Variants in ADGRV1 observed in about 807,000 individuals in gnomAD.
ADGRV1 encodes the protein G-protein coupled receptor 98.
ADGRV1 carries 359 observed loss-of-function variants against 596.2 expected under a neutral mutation model. That is an observed-to-expected ratio of 0.60 (90% CI 0.55 to 0.66). ADGRV1 has a LOEUF of 0.66. ADGRV1 is among the 30% of genes least tolerant of loss of function. The pLI is 0.00. For synonymous variants in ADGRV1, 2,681 were observed against 2,679.2 expected (o/e 1.00, Z -0.02); for missense variants, 7,274 against 7,575.6 (o/e 0.96, Z 1.48).
At chr5:91,032,698 C>T (rs1784577724) in intron 85 of ADGRV1, among the ~76,000 whole-genome samples, 1 of 151,892 alleles carries the variant, frequency 6.6e-6, no homozygotes, top group Middle Eastern at 3.2e-3. Flanking sequence ...CAAAATCTCC[C>T]ATTATGGTTT....
intron 83 of ADGRV1, among the ~76,000 whole-genome samples, chr5:90,866,085 C>G (rs79833639): frequency 6.6e-6 from 1 of 152,114 alleles, no homozygotes; most frequent in East Asian, 1.9e-4. Context: ...GCAGACAAGT[C>G]TGCCAAGACC....
At chr5:91,121,306 A>G (rs1483387529) in intron 87 of ADGRV1, among the ~76,000 whole-genome samples, 1 of 152,160 alleles carries the variant, frequency 6.6e-6, no homozygotes, top group Non-Finnish European at 1.5e-5. Context: ...ACCATGGGAG[A>G]TGCTCATTGC....
At chr5:91,073,668 C>T (rs772324039) in intron 86 of ADGRV1, among the ~76,000 whole-genome samples, 77 of 152,148 alleles carry the variant, frequency 5.1e-4, no homozygotes, top group Non-Finnish European at 9.0e-4. Context: ...CTAATTCTTT[C>T]TCATTTAGCA....
intron 70 of ADGRV1, among the ~76,000 whole-genome samples, chr5:90,801,082 A>G (rs1222547798): frequency 6.6e-6 from 1 of 152,056 alleles, no homozygotes; most frequent in African/African-American, 2.4e-5. Context: ...TAATAAAAAT[A>G]AAGAACGAAT....
intron 21 of ADGRV1, among the ~76,000 whole-genome samples, chr5:90,671,672 A>G (rs1772483735): frequency 6.6e-6 from 1 of 152,230 alleles, no homozygotes; most frequent in Admixed American, 6.5e-5. Context: ...TGAAAAATAC[A>G]GATGGCATTT....
intron 86 of ADGRV1, chr5:91,092,556 T>C (rs1407685804): frequency 1.3e-5 from 2 of 152,250 alleles, no homozygotes; most frequent in South Asian, 2.1e-4. Flanking sequence ...GCCAAACAAA[T>C]ATGGGAGATT....
At chr5:90,824,028 A>G (rs974200587) in intron 76 of ADGRV1, among the ~76,000 whole-genome samples, 2 of 152,238 alleles carry the variant, frequency 1.3e-5, no homozygotes, top group Non-Finnish European at 2.9e-5. Context: ...TAACTCTTCT[A>G]CACATTAAAA....
At chr5:91,089,010 G>A (rs1582021925) in intron 86 of ADGRV1, among the ~76,000 whole-genome samples, 1 of 151,496 alleles carries the variant, frequency 6.6e-6, no homozygotes, top group Non-Finnish European at 1.5e-5. Flanking sequence ...TCTCTGTAAG[G>A]GCTTAGTCCA....
intron 83 of ADGRV1, among the ~76,000 whole-genome samples, chr5:90,935,873 G>A (rs939457564): frequency 6.6e-6 from 1 of 152,184 alleles, no homozygotes; most frequent in Non-Finnish European, 1.5e-5. Flanking sequence ...AGCTACCCAG[G>A]AGGCTAAGGC....
At chr5:91,093,851 G>T (rs13186674) in intron 86 of ADGRV1, among the ~76,000 whole-genome samples, 9 of 132,296 alleles carry the variant, frequency 6.8e-5, no homozygotes, top group African/African-American at 1.5e-4. Context: ...ACATACGTAA[G>T]TTTTTTTTTT....
chr5:90,619,937 T>A (rs1763844466), intron 4 of ADGRV1, among the ~76,000 whole-genome samples: 1 of 152,232 alleles, frequency 6.6e-6, no homozygotes, highest in Non-Finnish European at 1.5e-5. Flanking sequence ...GAACTCATCA[T>A]TTTTTATGGC....
At chr5:90,879,808 A>G (rs1184581617) in intron 83 of ADGRV1, among the ~76,000 whole-genome samples, 1 of 151,946 alleles carries the variant, frequency 6.6e-6, no homozygotes, top group Non-Finnish European at 1.5e-5. Flanking sequence ...TTAGCTGGGT[A>G]TGGTGGTGCA....
rs116114010 is a variant in ADGRV1 at position 91,083,820 on chromosome 5, C to A, written c.18310+11216C>A. 1.2e-3 allele frequency among the ~76,000 whole-genome samples: 189 copies of A among 152,272 alleles called. 1 individual carries two copies. The highest frequency in any genetic ancestry group is 4.3e-3 in the African/African-American group (180 of 41,554). On this transcript the variant is annotated intron_variant, in intron 86 of 89. Coordinates refer to ENST00000405460, the MANE Select transcript of ADGRV1 (RefSeq NM_032119.4). ...CAGTGGCATGCACATATAGTCCCAGCTACTCAGGTGGCTGAGGTGAGATGA... is the reference window on the plus strand; with the variant it reads ...CAGTGGCATGCACATATAGTCCCAGATACTCAGGTGGCTGAGGTGAGATGA...
intron 60 of ADGRV1, 100 bp downstream of exon 60, chr5:90,774,403 A>T (rs1439481903): frequency 1.5e-6 from 1 of 670,376 alleles, no homozygotes; most frequent in African/African-American, 1.8e-5. Flanking sequence ...GTTAGGTTTC[A>T]TAATTCCTAA....
chr5:90,726,152 T>C (rs78868611), intron 48 of ADGRV1, among the ~76,000 whole-genome samples: 2,541 of 152,272 alleles, frequency 0.017, 59 homozygotes, highest in African/African-American at 0.058. Flanking sequence ...CCAAAAGGGG[T>C]ATTATTCATT....
intron 59 of ADGRV1, among the ~76,000 whole-genome samples, chr5:90,767,758 C>T (rs182940991): frequency 2.6e-5 from 4 of 150,996 alleles, no homozygotes; most frequent in East Asian, 3.9e-4. Context: ...TTTTTCCCTT[C>T]GGTATTGCAA....
Position 90,724,855 on chromosome 5 carries a change from G to A in ADGRV1, c.9772G>A (p.Val3258Ile), listed in dbSNP as rs764987437. Reference sequence around the variant, plus strand: ...AGGGGGAATGGATGTTGTGTTTTCCGTATTTCAAAGTTTTTTGGATGAATC... The same window carrying A: ...AGGGGGAATGGATGTTGTGTTTTCCATATTTCAAAGTTTTTTGGATGAATC... ...GMRGMDVVFS[V>I]FQSFLDESAS... Residue 3258 changes from valine to isoleucine, a missense_variant, in exon 46 of 90, where the codon GTA becomes ATA. By Grantham distance (29) the Val-to-Ile change is conservative (BLOSUM62 3). Coordinates refer to ENST00000405460, the MANE Select transcript of ADGRV1 (RefSeq NM_032119.4). 20 of 1,612,916 alleles carry A rather than the reference G, an allele frequency of 1.2e-5. No homozygotes were observed. The highest frequency in any genetic ancestry group is 3.3e-5 in the Admixed American group (2 of 59,958).
At chr5:90,854,504 T>C (rs939535957) in intron 81 of ADGRV1, among the ~76,000 whole-genome samples, 4 of 152,302 alleles carry the variant, frequency 2.6e-5, no homozygotes, top group African/African-American at 9.6e-5. Context: ...AGTAAATTTA[T>C]TGGGCAGGAA....
At chr5:91,023,966 C>G (rs1448813943) in intron 85 of ADGRV1, among the ~76,000 whole-genome samples, 1 of 152,132 alleles carries the variant, frequency 6.6e-6, no homozygotes, top group Non-Finnish European at 1.5e-5. Context: ...ATGTCTCAAA[C>G]TTGAGTACAC....
Sources: allele counts gnomAD v4.1 joint callset (sites outside exome capture counted in the v4.1 genomes callset), GRCh38; gene constraint gnomAD v4.1.1; transcripts MANE v1.5; gene names NCBI Gene and HGNC (gene_info 2026-07-23, HGNC 2026-07-21).